Variants in AKAP13 observed in about 807,000 individuals in gnomAD.
The protein encoded by AKAP13 is A-kinase anchor protein 13.
A neutral mutation model predicts 264.5 loss-of-function variants in AKAP13; 80 were observed. The ratio of observed to expected loss-of-function variants is 0.30; its 90% CI spans 0.25 to 0.36. AKAP13 has a LOEUF of 0.36. Ranked by LOEUF, AKAP13 falls within the 10% of genes least tolerant of loss-of-function variation. The pLI is 1.00. For synonymous variants in AKAP13, 1,380 were observed against 1,250.2 expected (o/e 1.10, Z -2.19); for missense variants, 3,712 against 3,435.2 (o/e 1.08, Z -2.01).
At chr15:85,661,119 G>A (rs2083322733) in intron 12 of AKAP13, among the ~76,000 whole-genome samples, 1 of 152,038 alleles carries the variant, frequency 6.6e-6, no homozygotes, top group Admixed American at 6.6e-5. Flanking sequence ...GAACTTTATG[G>A]CCCAGGTAGC....
intron 15 of AKAP13, among the ~76,000 whole-genome samples, chr15:85,682,841 AT>A (rs1247999935): frequency 6.6e-6 from 1 of 151,938 alleles, no homozygotes; most frequent in African/African-American, 2.4e-5. Context: ...CTAATTTTGT[AT>A]TTTTAGTAGG....
intron 1 of AKAP13, among the ~76,000 whole-genome samples, chr15:85,437,232 A>C (rs1158308576): frequency 5.7e-4 from 86 of 149,974 alleles, no homozygotes; most frequent in Non-Finnish European, 9.1e-4. Flanking sequence ...GAAATGGATA[A>C]ATTCCTCAAC....
At chr15:85,695,142 C>G (rs761644835) in intron 17 of AKAP13, among the ~76,000 whole-genome samples, 1 of 152,106 alleles carries the variant, frequency 6.6e-6, no homozygotes, top group East Asian at 1.9e-4. Flanking sequence ...TGGTGGCTCA[C>G]GACTATAATC....
At chr15:85,412,350 A>T (rs2072013362) in intron 1 of AKAP13, among the ~76,000 whole-genome samples, 1 of 152,222 alleles carries the variant, frequency 6.6e-6, no homozygotes, top group Non-Finnish European at 1.5e-5. Flanking sequence ...GCAAAATTTT[A>T]AAAATGTACT....
chr15:85,726,180 G>T (rs1019539575), intron 26 of AKAP13: 11 of 441,282 alleles, frequency 2.5e-5, no homozygotes, highest in African/African-American at 2.0e-4. Flanking sequence ...CCAAAACAAG[G>T]CTTTGGTGAT....
intron 2 of AKAP13, among the ~76,000 whole-genome samples, chr15:85,492,895 T>C (rs1047763285): frequency 6.6e-6 from 1 of 152,230 alleles, no homozygotes; most frequent in Non-Finnish European, 1.5e-5. Flanking sequence ...CTTTGATACC[T>C]TAGTTAAGGT....
intron 1 of AKAP13, among the ~76,000 whole-genome samples, chr15:85,413,555 C>T (rs1246832491): frequency 6.6e-6 from 1 of 152,168 alleles, no homozygotes; most frequent in African/African-American, 2.4e-5. Flanking sequence ...GCCCTGACCC[C>T]TGGCTTTTGG....
chr15:85,461,633 A>AG (rs2074522354), intron 1 of AKAP13, among the ~76,000 whole-genome samples: 1 of 150,226 alleles, frequency 6.7e-6, no homozygotes, highest in African/African-American at 2.5e-5. Context: ...TTGTTGGGGG[A>AG]GGGGTGCAGG....
In AKAP13 at chr15:85,567,308, A is replaced by G. The variant is rs531587663; in HGVS notation, c.663-7823A>G. ...TTTTTAGTAGAGACGGGGTTTCATC[A>G]TGTTGGCCAGGATGGTCTGGATCTC... On this transcript the variant is annotated intron_variant, in intron 5 of 36. Transcript: ENST00000394518. Among the ~76,000 whole-genome samples, 14 of 151,300 alleles carry G rather than the reference A, an allele frequency of 9.3e-5. No individual in the cohort carries two copies. In the South Asian group the frequency reaches 2.9e-3, roughly 32 times the overall value.
At chr15:85,396,854 C>CAA (rs1448129441) in intron 1 of AKAP13, among the ~76,000 whole-genome samples, 2 of 147,770 alleles carry the variant, frequency 1.4e-5, no homozygotes, top group African/African-American at 5.0e-5. Context: ...TAAAGCTGCA[C>CAA]AAATTACTGA....
At chr15:85,381,355 G>A (rs531392412) in intron 1 of AKAP13, among the ~76,000 whole-genome samples, 10 of 152,138 alleles carry the variant, frequency 6.6e-5, no homozygotes, top group Admixed American at 2.6e-4. Context: ...GCGGCTTCTC[G>A]GGGGTGCGGC....
intron 13 of AKAP13, among the ~76,000 whole-genome samples, chr15:85,665,834 C>G (rs572240175): frequency 6.6e-6 from 1 of 152,296 alleles, no homozygotes; most frequent in South Asian, 2.1e-4. Flanking sequence ...CCAGCTTCAT[C>G]CATCTCCCTG....
At chr15:85,614,474 A>G (rs1288840300) in intron 8 of AKAP13, among the ~76,000 whole-genome samples, 2 of 152,190 alleles carry the variant, frequency 1.3e-5, no homozygotes, top group Non-Finnish European at 2.9e-5. Context: ...CAAATATTGA[A>G]ATGTTGGCAG....
At chr15:85,393,895 A>G (rs1404924597) in intron 1 of AKAP13, among the ~76,000 whole-genome samples, 1 of 152,144 alleles carries the variant, frequency 6.6e-6, no homozygotes, top group Non-Finnish European at 1.5e-5. Context: ...AAAATCATTG[A>G]TTGTGGTCTG....
intron 1 of AKAP13, among the ~76,000 whole-genome samples, chr15:85,479,819 G>A (rs146783444): frequency 5.9e-5 from 9 of 152,286 alleles, no homozygotes; most frequent in Middle Eastern, 6.8e-3. Flanking sequence ...TTCTCTTGTA[G>A]CATGTGTAGG....
intron 19 of AKAP13, among the ~76,000 whole-genome samples, chr15:85,715,081 C>T (rs889751085): frequency 5.3e-5 from 8 of 152,160 alleles, no homozygotes; most frequent in Non-Finnish European, 1.0e-4. Flanking sequence ...AACCACTCTT[C>T]TTAGTTTTTT....
chr15:85,595,051 AT>A (rs1352707232), intron 8 of AKAP13, among the ~76,000 whole-genome samples: 3 of 151,886 alleles, frequency 2.0e-5, no homozygotes, highest in African/African-American at 4.8e-5. Context: ...TTAAATGATT[AT>A]TTTTCCCTGG....
At chr15:85,737,538 G>T (rs892274113) in intron 33 of AKAP13, among the ~76,000 whole-genome samples, 5 of 152,070 alleles carry the variant, frequency 3.3e-5, no homozygotes, top group Admixed American at 3.3e-4. Flanking sequence ...ATTTTAAGGG[G>T]AATCTTTCCT....
At chr15:85,413,899 T>C (rs1329217801) in intron 1 of AKAP13, among the ~76,000 whole-genome samples, 1 of 152,206 alleles carries the variant, frequency 6.6e-6, no homozygotes, top group Non-Finnish European at 1.5e-5. Flanking sequence ...TGAACAGCTT[T>C]ATTTACATTA....
Sources: allele counts gnomAD v4.1 joint callset (sites outside exome capture counted in the v4.1 genomes callset), GRCh38; gene constraint gnomAD v4.1.1; transcripts MANE v1.5; gene names NCBI Gene and HGNC (gene_info 2026-07-23, HGNC 2026-07-21).